Variants in PCDHGA4 observed in about 807,000 individuals in gnomAD.
PCDHGA4 encodes the protein protocadherin gamma subfamily A, 4.
PCDHGA4 carries 38 observed loss-of-function variants against 54.6 expected under a neutral mutation model. The ratio of observed to expected loss-of-function variants is 0.70; its 90% CI spans 0.54 to 0.91. The LOEUF is 0.91. PCDHGA4 is among the 40% of genes least tolerant of loss of function. The probability of loss-of-function intolerance (pLI) is 0.00; values close to 1 mark genes in which losing one functional copy is unlikely to be tolerated. For missense variants in PCDHGA4, 1,298 were observed against 1,220.9 expected (o/e 1.06, Z -0.94); for synonymous variants, 511 against 512.9 (o/e 1.00, Z 0.05).
chr5:141,509,516 T>C (rs2099877144), intron 3 of PCDHGA4, among the ~76,000 whole-genome samples: 1 of 152,130 alleles, frequency 6.6e-6, no homozygotes, highest in Non-Finnish European at 1.5e-5. Context: ...GTGTTGATGA[T>C]GTATTGCACA....
rs141363854 is a variant in PCDHGA4, at chr5:141,371,204, T to C, written c.2514+13583T>C. 1.5e-4 allele frequency: 240 copies of C among 1,614,012 alleles called. 1 individual carries two copies. The African/African-American group carries it at 3.0e-3, about 20-fold the overall frequency. ...TAAAAGTGATGGCCATTGACATGGA[T>C]GAGGGCATCAATGCCGAAATCATCT... On this transcript the variant is annotated intron_variant, in intron 1 of 3. Coordinates refer to ENST00000571252, the MANE Select transcript of PCDHGA4 (RefSeq NM_018917.4).
chr5:141,371,924 G>C (rs762943415), intron 1 of PCDHGA4: 1 of 1,613,364 alleles, frequency 6.2e-7, no homozygotes, highest in Admixed American at 1.7e-5. Flanking sequence ...TGAGCGCGCG[G>C]AGCGGGGTGG....
chr5:141,471,017 A>G (rs989277146), intron 1 of PCDHGA4, among the ~76,000 whole-genome samples: 3 of 143,850 alleles, frequency 2.1e-5, no homozygotes, highest in African/African-American at 7.8e-5. Context: ...GTGCCTGGTC[A>G]ATCATTTTTA....
chr5:141,410,155 G>T, intron 1 of PCDHGA4: 1 of 1,612,898 alleles, frequency 6.2e-7, no homozygotes. Context: ...ACGGTGGACA[G>T]CCGCCACTCT....
At chr5:141,475,902 C>T (rs1296545944) in intron 1 of PCDHGA4, 1 of 576,594 alleles carries the variant, frequency 1.7e-6, no homozygotes, top group Non-Finnish European at 3.0e-6. Context: ...GTGCCGCTGT[C>T]GGCCAATGAA....
Position 141,366,497 on chromosome 5 carries a change from C to T in PCDHGA4, c.2514+8876C>T, listed in dbSNP as rs776618534. On this transcript the variant is annotated intron_variant, in intron 1 of 3. Transcript: ENST00000571252. ...CAGACTGAGGCGCTGGCACAAGTCA[C>T]GCCTGCTTCAGGCTGAAGGCAGCAG... 5.0e-6 allele frequency: 8 copies of T among 1,614,136 alleles called. No individual in the cohort carries two copies. In the African/African-American group the frequency reaches 8.0e-5, roughly 16 times the overall value.
chr5:141,364,963 C>T (rs1763641490), intron 1 of PCDHGA4: 1 of 1,613,822 alleles, frequency 6.2e-7, no homozygotes, highest in Admixed American at 1.7e-5. Context: ...ACGACCTCCT[C>T]CTCACAGCTT....
At chr5:141,475,553 TTGTC>T (rs2099365287) in intron 1 of PCDHGA4, among the ~76,000 whole-genome samples, 2 of 152,260 alleles carry the variant, frequency 1.3e-5, no homozygotes, top group Non-Finnish European at 2.9e-5. Context: ...GTCCGGCTAA[TTGTC>T]TGTCTTCCAA....
intron 1 of PCDHGA4, chr5:141,364,594 C>G: frequency 6.2e-7 from 1 of 1,614,188 alleles, no homozygotes; most frequent in Non-Finnish European, 8.5e-7. Context: ...TCACCGCGGG[C>G]AGGATAGACC....
Position 141,489,429 on chromosome 5 carries a change from G to A in PCDHGA4, c.2515-5378G>A. 1 of 1,614,140 alleles carries A rather than the reference G, an allele frequency of 6.2e-7. No individual in the cohort carries two copies. Among genetic ancestry groups the A allele is most frequent in the Non-Finnish European group, 8.5e-7 (1 of 1,180,036 alleles). ...AGATGACAGATCTGTTGAGCCGGCG[G>A]CTGCAATTGGGCTCTGAGGAGAATG... On this transcript the variant is annotated intron_variant, in intron 1 of 3. Transcript: ENST00000571252. The surrounding 1 kb of genome is among the most constrained non-coding windows in gnomAD (Gnocchi z 4.5).
intron 1 of PCDHGA4, among the ~76,000 whole-genome samples, chr5:141,438,764 C>A (rs963627140): frequency 6.7e-6 from 1 of 148,638 alleles, no homozygotes; most frequent in Non-Finnish European, 1.5e-5. Flanking sequence ...TGGGTTCAAG[C>A]GATTCTCCTG....
chr5:141,419,729 G>T (rs1436631336), intron 1 of PCDHGA4: 1 of 1,613,758 alleles, frequency 6.2e-7, no homozygotes, highest in Admixed American at 1.7e-5. Context: ...GCTGCGAACA[G>T]GCGAGGTGCG....
In PCDHGA4 at chr5:141,489,928, G is replaced by A. The variant is rs752861962; in HGVS notation, c.2515-4879G>A. ...CCGCTCAGGGACCACCCTTATCTCT[G>A]TCATCGTGCTGGACATCAATGATAA... On this transcript the variant is annotated intron_variant, in intron 1 of 3. Transcript: ENST00000571252. The surrounding 1 kb of genome is among the most constrained non-coding windows in gnomAD (Gnocchi z 4.5). 2 of 1,614,206 alleles carry A rather than the reference G, an allele frequency of 1.2e-6. No homozygotes were observed. Among genetic ancestry groups the A allele is most frequent in the Non-Finnish European group, 1.7e-6 (2 of 1,180,038 alleles).
At position 141,394,267 on chromosome 5, in the gene PCDHGA4, C is replaced by T. The variant is rs563732311; in HGVS notation, c.2514+36646C>T. 1.2e-5 allele frequency: 19 copies of T among 1,613,926 alleles called. No individual in the cohort carries two copies. In the South Asian group the frequency reaches 2.0e-4, roughly 17 times the overall value. On this transcript the variant is annotated intron_variant, in intron 1 of 3. Transcript: ENST00000571252. The stretch of plus-strand genomic sequence containing the variant: ...CACGACCCCGACAGCCAGGAGAATG[C>T]CCAGGTCACTTACTCTGTGACCGAG...
chr5:141,483,501 G>A (rs1022338958), intron 1 of PCDHGA4, among the ~76,000 whole-genome samples: 2 of 150,394 alleles, frequency 1.3e-5, no homozygotes, highest in Admixed American at 1.3e-4. Context: ...ATGAGTCAAG[G>A]CTGATCCCCC....
chr5:141,475,708 C>G (rs2099367415), intron 1 of PCDHGA4, among the ~76,000 whole-genome samples: 1 of 152,238 alleles, frequency 6.6e-6, no homozygotes, highest in African/African-American at 2.4e-5. Flanking sequence ...AACGGCTAGC[C>G]TCACAGCCCC....
intron 1 of PCDHGA4, among the ~76,000 whole-genome samples, chr5:141,448,837 C>CT (rs2098610093): frequency 6.6e-6 from 1 of 152,014 alleles, no homozygotes; most frequent in Non-Finnish European, 1.5e-5. Context: ...CCCAGCTACT[C>CT]TGGAGGCTGA....
At chr5:141,502,001 C>T (rs2099812274) in intron 2 of PCDHGA4, among the ~76,000 whole-genome samples, 2 of 152,106 alleles carry the variant, frequency 1.3e-5, no homozygotes, top group Admixed American at 1.3e-4. Flanking sequence ...CCCTGACAAC[C>T]CGCATGCTCT....
chr5:141,402,394 G>T (rs928311359), intron 1 of PCDHGA4, among the ~76,000 whole-genome samples: 5 of 151,852 alleles, frequency 3.3e-5, no homozygotes, highest in Non-Finnish European at 7.4e-5. Context: ...AATTACTTCA[G>T]AAAATTGTTA....
Sources: allele counts gnomAD v4.1 joint callset (sites outside exome capture counted in the v4.1 genomes callset), GRCh38; gene constraint gnomAD v4.1.1; non-coding constraint Gnocchi (gnomAD v3.1); transcripts MANE v1.5; gene names NCBI Gene and HGNC (gene_info 2026-07-23, HGNC 2026-07-21).